The following TEAD1 variants were observed in gnomAD, a reference collection of about 807,000 sequenced individuals.
The protein encoded by TEAD1 is TEA domain transcription factor 1.
Under a neutral mutation model 54.9 loss-of-function variants are expected in TEAD1, and 9 were observed. That is an observed-to-expected ratio of 0.16 (90% CI 0.10 to 0.29). The LOEUF (loss-of-function observed/expected upper bound fraction) is 0.29, where lower values mean the gene tolerates loss of function less well. TEAD1 is among the 10% of genes least tolerant of loss of function. The pLI is 1.00. For synonymous variants in TEAD1, 200 were observed against 187.8 expected, an observed-to-expected ratio of 1.07 and a Z score of -0.53; for missense variants, 387 against 535.9, an observed-to-expected ratio of 0.72 and a Z score of 2.74.
intron 2 of TEAD1, among the ~76,000 whole-genome samples, chr11:12,692,798 G>A (rs571203727): frequency 6.6e-6 from 1 of 152,314 alleles, no homozygotes; most frequent in South Asian, 2.1e-4. Flanking sequence ...AGCCACTGAC[G>A]TCATGTCAGT....
At chr11:12,812,647 A>T (rs1211151985) in intron 3 of TEAD1, among the ~76,000 whole-genome samples, 2 of 152,242 alleles carry the variant, frequency 1.3e-5, no homozygotes, top group African/African-American at 4.8e-5. Flanking sequence ...TATGAAATTT[A>T]TCAAGAGAAG....
intron 3 of TEAD1, among the ~76,000 whole-genome samples, chr11:12,820,381 C>T (rs1313634211): frequency 7.8e-6 from 1 of 128,168 alleles, no homozygotes; most frequent in Non-Finnish European, 1.6e-5. Context: ...TCTCTAATAG[C>T]ACTTTGTCTC....
rs746048067 is a variant in TEAD1, at chr11:12,929,204, G to GTGTGTGTGT, written c.1015-970_1015-969insTGTGTGTGT. ...TGTGTGTGTGTGTGTGTGTGTGTCT[G>GTGTGTGTGT]CTTTAGGGTTATGTGAAATAATCTC... On this transcript the variant is annotated intron_variant, in intron 11 of 12. Coordinates refer to ENST00000527636, the MANE Select transcript of TEAD1 (RefSeq NM_021961.6). 3.9e-3 allele frequency among the ~76,000 whole-genome samples: 542 copies of GTGTGTGTGT among 139,126 alleles called. 11 individuals are homozygous for GTGTGTGTGT. Among genetic ancestry groups the GTGTGTGTGT allele is most frequent in the African/African-American group, 0.011 (381 of 33,426 alleles). 91.3% of individuals were successfully genotyped at this position (139,126 alleles called of 152,430 possible).
chr11:12,698,843 C>G (rs71481068), intron 2 of TEAD1, among the ~76,000 whole-genome samples: 174 of 152,290 alleles, frequency 1.1e-3, no homozygotes, highest in Non-Finnish European at 2.1e-3. Flanking sequence ...AGGGAAACTT[C>G]AGGGAGTGTA....
chr11:12,889,446 C>T (rs74701061), intron 9 of TEAD1, among the ~76,000 whole-genome samples: 50 of 152,288 alleles, frequency 3.3e-4, no homozygotes, highest in Middle Eastern at 6.8e-3. Context: ...TCAGACTGCC[C>T]GGTCACCAGG....
chr11:12,732,679 A>G (rs1347309834), intron 2 of TEAD1, among the ~76,000 whole-genome samples: 3 of 152,158 alleles, frequency 2.0e-5, no homozygotes, highest in Non-Finnish European at 4.4e-5. Flanking sequence ...CAGACAGTGG[A>G]GGAATTCCTT....
At chr11:12,803,110 T>G (rs941186766) in intron 3 of TEAD1, among the ~76,000 whole-genome samples, 3 of 152,016 alleles carry the variant, frequency 2.0e-5, no homozygotes, top group African/African-American at 7.2e-5. Flanking sequence ...GTATTTTTTT[T>G]TTTTGTTTTG....
intron 9 of TEAD1, among the ~76,000 whole-genome samples, chr11:12,886,942 T>TGTCA (rs1359780947): frequency 6.6e-6 from 1 of 152,232 alleles, no homozygotes; most frequent in Non-Finnish European, 1.5e-5. Context: ...GCCAGAGCTC[T>TGTCA]GTCACTGCTG....
At chr11:12,787,927 A>G (rs1481877919) in intron 3 of TEAD1, among the ~76,000 whole-genome samples, 1 of 150,214 alleles carries the variant, frequency 6.7e-6, no homozygotes, top group Non-Finnish European at 1.5e-5. Flanking sequence ...TTGAAATGAT[A>G]CTCTGGTTTC....
At chr11:12,822,872 A>G (rs1433085011) in intron 3 of TEAD1, among the ~76,000 whole-genome samples, 3 of 152,236 alleles carry the variant, frequency 2.0e-5, no homozygotes, top group Middle Eastern at 3.2e-3. Flanking sequence ...ACAGCTTATC[A>G]GGGTAATCTT....
chr11:12,864,790 A>T, intron 4 of TEAD1, 48 bp from the exon 5 acceptor site: 1 of 1,613,756 alleles, frequency 6.2e-7, no homozygotes, highest in Non-Finnish European at 8.5e-7. Flanking sequence ...TTTCATCTCC[A>T]TGGTTACAGG....
chr11:12,695,533 G>A (rs764445582), intron 2 of TEAD1, among the ~76,000 whole-genome samples: 3 of 152,092 alleles, frequency 2.0e-5, no homozygotes, highest in Non-Finnish European at 2.9e-5. Context: ...CAAGTTGTTC[G>A]GGGCCAGGGA....
intron 10 of TEAD1, among the ~76,000 whole-genome samples, chr11:12,923,622 A>G (rs761341031): frequency 2.6e-5 from 4 of 152,196 alleles, no homozygotes; most frequent in Non-Finnish European, 4.4e-5. Context: ...TTGTGCTGCT[A>G]CAACAGAATG....
chr11:12,902,151 CTGAA>C lies in TEAD1; in HGVS notation c.873+41_873+44del, dbSNP rs1564984098. The C allele has an allele frequency of 2.5e-6, 4 of 1,613,304 alleles. No homozygotes were observed. The South Asian group carries it at 4.4e-5, about 18-fold the overall frequency. ...TTGCTGTGATTTCCGTGGTTTTTGTCTGAATGGTCACATCTCTTACATGAGCACA... is the reference window on the plus strand; with the variant it reads ...TTGCTGTGATTTCCGTGGTTTTTGTCTGGTCACATCTCTTACATGAGCACA... On this transcript the variant is annotated intron_variant, in intron 10 of 12. Coordinates refer to ENST00000527636, the MANE Select transcript of TEAD1 (RefSeq NM_021961.6).
intron 2 of TEAD1, among the ~76,000 whole-genome samples, chr11:12,731,266 A>T (rs552690800): frequency 6.6e-6 from 1 of 152,296 alleles, no homozygotes; most frequent in African/African-American, 2.4e-5. Flanking sequence ...TCAGATTTGC[A>T]GTATATGTCC....
At chr11:12,934,555 A>G (rs1386279107) in intron 12 of TEAD1, among the ~76,000 whole-genome samples, 1 of 151,838 alleles carries the variant, frequency 6.6e-6, no homozygotes, top group Non-Finnish European at 1.5e-5. Flanking sequence ...AAATAAATAA[A>G]TAAATAAAGC....
At chr11:12,874,123 G>A (rs1283361268) in intron 5 of TEAD1, among the ~76,000 whole-genome samples, 2 of 152,074 alleles carry the variant, frequency 1.3e-5, no homozygotes, top group Non-Finnish European at 2.9e-5. Context: ...AAACTGTTTG[G>A]AATATATTGA....
chr11:12,884,720 A>C (rs1057028001), intron 9 of TEAD1, among the ~76,000 whole-genome samples: 1 of 152,194 alleles, frequency 6.6e-6, no homozygotes, highest in African/African-American at 2.4e-5. Flanking sequence ...CAGGACAGGT[A>C]CAAGAAAATG....
At chr11:12,746,814 G>A (rs1376175685) in intron 2 of TEAD1, among the ~76,000 whole-genome samples, 5 of 152,374 alleles carry the variant, frequency 3.3e-5, no homozygotes, top group East Asian at 1.9e-4. Context: ...GCCAGGCTGC[G>A]TTCTCCCAGG....
Sources: gnomAD v4.1 joint callset for allele counts (sites outside exome capture counted in the v4.1 genomes callset) on GRCh38, gnomAD v4.1.1 for gene constraint, MANE v1.5 for transcripts, NCBI Gene and HGNC (gene_info 2026-07-23, HGNC 2026-07-21) for gene names.